The following ZFHX3 variants were observed in gnomAD, a reference collection of about 807,000 sequenced individuals.
ZFHX3 encodes zinc finger homeobox protein 3.
ZFHX3 carries 42 observed loss-of-function variants against 279.1 expected under a neutral mutation model. That is an observed-to-expected ratio of 0.15 (90% CI 0.12 to 0.19). ZFHX3 has a LOEUF of 0.19. ZFHX3 is among the 10% of genes least tolerant of loss of function. The pLI, the probability that ZFHX3 is intolerant of heterozygous loss-of-function variation, is 1.00. For synonymous variants in ZFHX3, 2,293 were observed against 1,957.8 expected (o/e 1.17, Z -4.52); for missense variants, 4,981 against 4,754.0 (o/e 1.05, Z -1.40).
intron 2 of ZFHX3, among the ~76,000 whole-genome samples, chr16:73,651,554 A>G (rs1301115716): frequency 6.6e-6 from 1 of 151,706 alleles, no homozygotes; most frequent in Non-Finnish European, 1.5e-5. Flanking sequence ...ATAAAAAGAC[A>G]AGGCCGGGCA....
At chr16:73,737,921 C>T (rs1304878577) in intron 1 of ZFHX3, among the ~76,000 whole-genome samples, 1 of 152,044 alleles carries the variant, frequency 6.6e-6, no homozygotes, top group African/African-American at 2.4e-5. Flanking sequence ...ATATTGAGAA[C>T]CCAGGGGGTG....
rs539657153 is a variant in ZFHX3, at chr16:73,444,544, T to C, written c.-1291+11459A>G. Among the ~76,000 whole-genome samples the C allele has an allele frequency of 9.2e-5, 14 of 152,310 alleles. No homozygotes were observed. In the South Asian group the frequency reaches 2.5e-3, roughly 27 times the overall value. On this transcript the variant is annotated intron_variant, in intron 3 of 17. Coordinates refer to the ZFHX3 transcript ENST00000641206. ...ATTTGTAAGTCTCCATTCAGATATATGACATATACAGCAGCCAAAAGTTAT... is the reference window on the plus strand; with the variant it reads ...ATTTGTAAGTCTCCATTCAGATATACGACATATACAGCAGCCAAAAGTTAT...
chr16:73,383,861 C>T (rs1248174028), intron 3 of ZFHX3, among the ~76,000 whole-genome samples: 1 of 152,236 alleles, frequency 6.6e-6, no homozygotes, highest in Non-Finnish European at 1.5e-5. Flanking sequence ...GCCTCGTGCT[C>T]TGCACAAACA....
chr16:73,098,357 C>G (rs528794686), intron 7 of ZFHX3, among the ~76,000 whole-genome samples: 4 of 150,384 alleles, frequency 2.7e-5, no homozygotes, highest in Non-Finnish European at 4.4e-5. Flanking sequence ...TGTGAGCCAC[C>G]GTGCCCCACC....
At chr16:73,717,512 T>A (rs566547967) in intron 1 of ZFHX3, among the ~76,000 whole-genome samples, 97 of 152,254 alleles carry the variant, frequency 6.4e-4, no homozygotes, top group Non-Finnish European at 1.1e-3. Context: ...AGAACAAGCC[T>A]CTTAGAAATC....
At chr16:73,719,737 G>A (rs1304155067) in intron 1 of ZFHX3, among the ~76,000 whole-genome samples, 3 of 150,824 alleles carry the variant, frequency 2.0e-5, no homozygotes, top group Non-Finnish European at 4.4e-5. Context: ...GGGTTCAAGC[G>A]ATTCTCCTGC....
At chr16:73,815,568 T>A (rs1021198383) in intron 1 of ZFHX3, 2 of 152,212 alleles carry the variant, frequency 1.3e-5, no homozygotes, top group East Asian at 3.9e-4. Flanking sequence ...TCCTTTTTTT[T>A]TTTTTCTTTT....
intron 1 of ZFHX3, among the ~76,000 whole-genome samples, chr16:73,887,113 G>A (rs185525129): frequency 5.9e-5 from 9 of 152,268 alleles, no homozygotes; most frequent in Admixed American, 2.6e-4. Flanking sequence ...GGGATTGGGC[G>A]ATGGTAAGGA....
At chr16:73,862,013 TTC>T (rs1240029666) in intron 1 of ZFHX3, among the ~76,000 whole-genome samples, 1 of 152,206 alleles carries the variant, frequency 6.6e-6, no homozygotes, top group Non-Finnish European at 1.5e-5. Flanking sequence ...ACTACCCACC[TTC>T]CCAAGGAAGA....
rs75293368 is a variant in ZFHX3, at chr16:73,870,250, G to A, written c.-1608+21401C>T. ...CAGGGACCTCGAGAGAATCTCCCCCGTACCACTGGGCATTAGACAAGCCAT... is the reference window on the plus strand; with the variant it reads ...CAGGGACCTCGAGAGAATCTCCCCCATACCACTGGGCATTAGACAAGCCAT... On this transcript the variant is annotated intron_variant, in intron 1 of 17. Transcript: ENST00000641206. Among the ~76,000 whole-genome samples the A allele has an allele frequency of 2.1e-3, 322 of 152,196 alleles. 3 individuals carry two copies. Among genetic ancestry groups the A allele is most frequent in the African/African-American group, 7.5e-3 (310 of 41,520 alleles).
intron 5 of ZFHX3, among the ~76,000 whole-genome samples, chr16:73,152,579 C>T (rs1332034805): frequency 6.6e-6 from 1 of 150,870 alleles, no homozygotes; most frequent in Admixed American, 6.6e-5. Flanking sequence ...TCACAAACAC[C>T]CAAACTTTGT....
intron 1 of ZFHX3, among the ~76,000 whole-genome samples, chr16:73,884,816 C>T (rs1266877437): frequency 6.6e-6 from 1 of 152,144 alleles, no homozygotes; most frequent in African/African-American, 2.4e-5. Context: ...GCTATTGTTT[C>T]AGAAACAATA....
At chr16:73,510,873 A>G (rs1387410625) in intron 2 of ZFHX3, among the ~76,000 whole-genome samples, 1 of 152,232 alleles carries the variant, frequency 6.6e-6, no homozygotes, top group Non-Finnish European at 1.5e-5. Flanking sequence ...GTGGACTCAT[A>G]TAGGGCAACT....
intron 2 of ZFHX3, among the ~76,000 whole-genome samples, chr16:73,631,927 T>A (rs112389648): frequency 0.049 from 6,693 of 136,614 alleles, 580 homozygotes; most frequent in African/African-American, 0.18. Context: ...TCTCTCTCTC[T>A]CACACACACA....
At position 73,891,179 on chromosome 16, in the gene ZFHX3, A is replaced by T. The variant is rs180726622; in HGVS notation, c.-1608+472T>A. Among the ~76,000 whole-genome samples the T allele has an allele frequency of 2.4e-4, 37 of 152,156 alleles. No homozygotes were observed. In the East Asian group the frequency reaches 7.2e-3, roughly 29 times the overall value. ...CACATTAATATAAAAAAGTCACAGCAATCATGTCATGATTTCCTGCCTCCC... is the reference window on the plus strand; with the variant it reads ...CACATTAATATAAAAAAGTCACAGCTATCATGTCATGATTTCCTGCCTCCC... On this transcript the variant is annotated intron_variant, in intron 1 of 17. Coordinates refer to the ZFHX3 transcript ENST00000641206.
chr16:73,774,048 G>C (rs920631463), intron 1 of ZFHX3, among the ~76,000 whole-genome samples: 1 of 152,070 alleles, frequency 6.6e-6, no homozygotes, highest in South Asian at 2.1e-4. Context: ...TAGGCAGGAG[G>C]ACTGTTTGAG....
At chr16:72,842,322 A>G (rs1597299223) in intron 4 of ZFHX3, among the ~76,000 whole-genome samples, 1 of 152,034 alleles carries the variant, frequency 6.6e-6, no homozygotes, top group African/African-American at 2.4e-5. Flanking sequence ...GGCTCAGGCA[A>G]TCTTCCCGCC....
intron 1 of ZFHX3, among the ~76,000 whole-genome samples, chr16:73,749,848 G>A (rs1206118880): frequency 6.6e-6 from 1 of 152,220 alleles, no homozygotes; most frequent in Non-Finnish European, 1.5e-5. Flanking sequence ...GGATGGCCCT[G>A]AACTGTACCC....
intron 3 of ZFHX3, among the ~76,000 whole-genome samples, chr16:73,332,140 C>T (rs2143230156): frequency 6.6e-6 from 1 of 152,254 alleles, no homozygotes; most frequent in East Asian, 1.9e-4. Context: ...CTGGCTGGGA[C>T]ACATTTCCAG....
Sources: gnomAD v4.1 joint callset for allele counts (sites outside exome capture counted in the v4.1 genomes callset) on GRCh38, gnomAD v4.1.1 for gene constraint, MANE v1.5 for transcripts, NCBI Gene and HGNC (gene_info 2026-07-23, HGNC 2026-07-21) for gene names.